Variants in FBXW11 observed in about 807,000 individuals in gnomAD.
FBXW11 encodes F-box/WD repeat-containing protein 11.
FBXW11 carries 19 observed loss-of-function variants against 77.6 expected under a neutral mutation model. The ratio of observed to expected loss-of-function variants is 0.24; its 90% confidence interval spans 0.17 to 0.36. The LOEUF (loss-of-function observed/expected upper bound fraction) is 0.36, where lower values mean the gene tolerates loss of function less well. FBXW11 is among the 10% of genes least tolerant of loss of function. FBXW11 has a pLI of 1.00. For missense variants in FBXW11, 334 were observed against 704.2 expected (o/e 0.47, Z 5.95); for synonymous variants, 235 against 249.4 (o/e 0.94, Z 0.54).
chr5:171,999,529 G>C (rs1766285514), intron 1 of FBXW11, among the ~76,000 whole-genome samples: 1 of 152,076 alleles, frequency 6.6e-6, no homozygotes, highest in Admixed American at 6.6e-5. Context: ...CAGGTGAGTA[G>C]TGTCAGGACT....
chr5:171,948,234 C>CAAAA (rs765248373), intron 2 of FBXW11, among the ~76,000 whole-genome samples: 2 of 44,334 alleles, frequency 4.5e-5, no homozygotes, highest in Non-Finnish European at 1.0e-4. Context: ...GACTCCAACT[C>CAAAA]AAAAAAAAAA....
At chr5:171,947,735 G>A (rs1255370788) in intron 2 of FBXW11, among the ~76,000 whole-genome samples, 1 of 152,102 alleles carries the variant, frequency 6.6e-6, no homozygotes, top group Non-Finnish European at 1.5e-5. Flanking sequence ...GGGGAACATA[G>A]GGAGACGCCA....
At chr5:171,889,133 G>A (rs1366675773) in intron 7 of FBXW11, among the ~76,000 whole-genome samples, 4 of 152,160 alleles carry the variant, frequency 2.6e-5, no homozygotes, top group Non-Finnish European at 5.9e-5. Context: ...AATGAAAGAC[G>A]TAAATTTACA....
chr5:171,987,226 T>C (rs1232896411), intron 1 of FBXW11, among the ~76,000 whole-genome samples: 1 of 152,198 alleles, frequency 6.6e-6, no homozygotes, highest in African/African-American at 2.4e-5. Context: ...GATTTAGTTA[T>C]AACCTGCCTT....
intron 2 of FBXW11, among the ~76,000 whole-genome samples, chr5:171,944,625 A>C (rs1436819483): frequency 6.6e-6 from 1 of 151,592 alleles, no homozygotes; most frequent in Non-Finnish European, 1.5e-5. Flanking sequence ...AAAAATATTA[A>C]GAATGGTACT....
At chr5:171,925,821 A>G (rs1012534034) in intron 2 of FBXW11, among the ~76,000 whole-genome samples, 1 of 152,212 alleles carries the variant, frequency 6.6e-6, no homozygotes. Context: ...TTTTTAAAAC[A>G]TGGTCAGCAG....
At chr5:171,983,662 AG>A (rs2113507612) in intron 1 of FBXW11, among the ~76,000 whole-genome samples, 1 of 152,312 alleles carries the variant, frequency 6.6e-6, no homozygotes, top group South Asian at 2.1e-4. Flanking sequence ...TGGTCACAGA[AG>A]CCTTCTTCTG....
intron 1 of FBXW11, among the ~76,000 whole-genome samples, chr5:171,976,645 G>T (rs1764842458): frequency 6.6e-6 from 1 of 152,104 alleles, no homozygotes; most frequent in Non-Finnish European, 1.5e-5. Flanking sequence ...ATCAAGCAAA[G>T]CTCTCTCACG....
intron 3 of FBXW11, among the ~76,000 whole-genome samples, chr5:171,911,008 T>G (rs1468697384): frequency 6.6e-6 from 1 of 151,278 alleles, no homozygotes; most frequent in Non-Finnish European, 1.5e-5. Context: ...ATGCCAAAAT[T>G]GTAGCTATTT....
intron 2 of FBXW11, among the ~76,000 whole-genome samples, chr5:171,943,205 T>C (rs1395983993): frequency 6.6e-6 from 1 of 152,240 alleles, no homozygotes; most frequent in African/African-American, 2.4e-5. Flanking sequence ...TCTACAACAA[T>C]TGGCAGCTTG....
At chr5:172,001,342 C>T (rs1055511314) in intron 1 of FBXW11, among the ~76,000 whole-genome samples, 6 of 152,068 alleles carry the variant, frequency 3.9e-5, no homozygotes, top group African/African-American at 1.4e-4. Flanking sequence ...AAATTTGGAA[C>T]TGATTATTGT....
intron 4 of FBXW11, among the ~76,000 whole-genome samples, chr5:171,902,472 C>T (rs918183211): frequency 5.9e-5 from 9 of 152,160 alleles, no homozygotes; most frequent in African/African-American, 2.2e-4. Flanking sequence ...CTGTATACAT[C>T]CTTCTAGGTT....
intron 9 of FBXW11, among the ~76,000 whole-genome samples, chr5:171,875,188 C>T (rs1561636010): frequency 6.6e-6 from 1 of 151,382 alleles, no homozygotes; most frequent in African/African-American, 2.5e-5. Flanking sequence ...AGGCCAAGGA[C>T]TGCTTGAGCA....
At chr5:171,950,509 T>C (rs1195117397) in intron 2 of FBXW11, among the ~76,000 whole-genome samples, 1 of 151,972 alleles carries the variant, frequency 6.6e-6, no homozygotes, top group Non-Finnish European at 1.5e-5. Context: ...TCTGGGGACA[T>C]GTCTATAACA....
chr5:171,903,653 G>C (rs989123444), intron 4 of FBXW11, among the ~76,000 whole-genome samples: 1 of 151,952 alleles, frequency 6.6e-6, no homozygotes, highest in Middle Eastern at 3.4e-3. Flanking sequence ...CTTAATATTA[G>C]AACATAGCTA....
intron 2 of FBXW11, among the ~76,000 whole-genome samples, chr5:171,941,971 C>T (rs552171250): frequency 6.6e-6 from 1 of 150,524 alleles, no homozygotes; most frequent in East Asian, 2.0e-4. Context: ...GATATGAGCT[C>T]ATAGTTTGAA....
At chr5:171,926,422 G>T (rs1761894675) in intron 2 of FBXW11, among the ~76,000 whole-genome samples, 1 of 152,206 alleles carries the variant, frequency 6.6e-6, no homozygotes, top group African/African-American at 2.4e-5. Context: ...TTGTCAAATT[G>T]TAATCCCCAT....
At chr5:171,972,174 G>A (rs1259474447) in intron 1 of FBXW11, among the ~76,000 whole-genome samples, 1 of 150,104 alleles carries the variant, frequency 6.7e-6, no homozygotes, top group Non-Finnish European at 1.5e-5. Context: ...CGAGGCTGCA[G>A]TTAGCCGAAA....
intron 7 of FBXW11, among the ~76,000 whole-genome samples, chr5:171,878,933 C>A (rs1401088681): frequency 6.6e-6 from 1 of 152,056 alleles, no homozygotes; most frequent in Non-Finnish European, 1.5e-5. Context: ...AATGAAATGT[C>A]CAGCATTTCA....
Sources: gnomAD v4.1 joint callset for allele counts (sites outside exome capture counted in the v4.1 genomes callset) on GRCh38, gnomAD v4.1.1 for gene constraint, MANE v1.5 for transcripts, NCBI Gene and HGNC (gene_info 2026-07-23, HGNC 2026-07-21) for gene names.